The following GRIN3A variants were observed in gnomAD, a reference collection of about 807,000 sequenced individuals.
The protein encoded by GRIN3A is glutamate ionotropic receptor NMDA type subunit 3A.
A neutral mutation model predicts 92.4 loss-of-function variants in GRIN3A; 47 were observed. The observed-to-expected ratio is 0.51, with a 90% CI of 0.40 to 0.65. The LOEUF is 0.65. Among genes scored for constraint, GRIN3A ranks in the 30% least tolerant of loss-of-function variants. The pLI, the probability that GRIN3A is intolerant of heterozygous loss-of-function variation, is 0.00. For synonymous variants in GRIN3A, 527 were observed against 540.6 expected (o/e 0.97, Z 0.35); for missense variants, 1,324 against 1,393.1 (o/e 0.95, Z 0.79).
rs533614728 is a variant in GRIN3A at position 101,656,964 on chromosome 9, G to A, written c.2352+13096C>T. Among the ~76,000 whole-genome samples the A allele has an allele frequency of 7.8e-4, 119 of 151,712 alleles. 1 individual carries two copies. The highest frequency in any genetic ancestry group is 1.5e-3 in the Non-Finnish European group (99 of 67,878). On this transcript the variant is annotated intron_variant, in intron 3 of 8. Transcript: ENST00000361820. ...TCTTCTCCCTGAAATTCATCAAACC[G>A]CCCAGTGATATATATTCCCCTTGTT...
Position 101,623,407 on chromosome 9 carries a change from A to T in GRIN3A, c.2525T>A (p.Phe842Tyr). ...LKNDPEKLDA[F>Y]IMDKALLDYE... is the part of the protein sequence containing the mutation. ...ATCCAGAAGGGCTTTGTCCATGATG[A>T]AGGCGTCTAGTTTCTCTGGATCATT... The change falls in exon 5 of 9, where the codon TTC (phenylalanine) becomes TAC (tyrosine). Residue 842 changes from phenylalanine to tyrosine, a missense_variant. Coordinates refer to ENST00000361820, the MANE Select transcript of GRIN3A (RefSeq NM_133445.3). The T allele has an allele frequency of 1.9e-6, 3 of 1,612,594 alleles. No homozygotes were observed. The highest frequency in any genetic ancestry group is 2.5e-6 in the Non-Finnish European group (3 of 1,178,590).
rs1423438061 is a variant in GRIN3A, at chr9:101,569,722, A to G, written c.*3452T>C. ...ATAGTAAAGTAGTATTAATGCCTAGAAAGCAATTTCTGAAGAACTGGATGG... is the reference window on the plus strand; with the variant it reads ...ATAGTAAAGTAGTATTAATGCCTAGGAAGCAATTTCTGAAGAACTGGATGG... On this transcript the variant is annotated 3_prime_UTR_variant, in exon 9 of 9. Coordinates refer to ENST00000361820, the MANE Select transcript of GRIN3A (RefSeq NM_133445.3). 1 of 152,226 alleles carries G rather than the reference A, an allele frequency of 6.6e-6. No homozygotes were observed. The highest frequency in any genetic ancestry group is 1.5e-5 in the Non-Finnish European group (1 of 68,050). The allele number at this position is 152,226 out of a possible 1,614,324, so 9.4% of individuals were successfully genotyped here.
Position 101,737,791 on chromosome 9 carries a change from G to A in GRIN3A, c.189C>T (p.Arg63=), listed in dbSNP as rs898371663. The change falls in exon 1 of 9, where the codon CGC becomes CGT. Residue 63 remains arginine (R), a synonymous_variant. Transcript: ENST00000361820. ...TGTCGTCCGGAGCGCGGCTGGCCGC[G>A]CGGGGGGCGGTGGTCCAGGGCTGCA... ...VHLQPWTTAP[R]AASRAPDDSR... is the part of the protein sequence containing the mutation. 4.6e-6 allele frequency: 7 copies of A among 1,528,298 alleles called. No individual in the cohort carries two copies. In the African/African-American group the frequency reaches 8.3e-5, roughly 18 times the overall value. The allele number at this position is 1,528,298 out of a possible 1,614,324, so 94.7% of individuals were successfully genotyped here. A position where few individuals can be genotyped will look rare whatever the true frequency, so the allele number is the denominator to read the frequency against.
chr9:101,610,130 T>C (rs751231624), intron 6 of GRIN3A, among the ~76,000 whole-genome samples: 2 of 152,238 alleles, frequency 1.3e-5, no homozygotes, highest in Non-Finnish European at 2.9e-5. Context: ...CCTTCCTTGG[T>C]TGAATTAACT....
chr9:101,722,741 T>C (rs1287666111), intron 1 of GRIN3A, among the ~76,000 whole-genome samples: 2 of 152,164 alleles, frequency 1.3e-5, no homozygotes, highest in African/African-American at 2.4e-5. Flanking sequence ...TTTTGGACAA[T>C]TTCTCCCATA....
Position 101,623,365 on chromosome 9 carries a change from T to A in GRIN3A, c.2567A>T (p.Asp856Val), listed in dbSNP as rs1332775095. 6.2e-7 allele frequency: 1 copy of A among 1,613,832 alleles called. No homozygotes were observed. The highest frequency in any genetic ancestry group is 1.3e-5 in the African/African-American group (1 of 74,932). ...CACAGTGAGAAGTTTGCAGTCAGCA[T>A]CTATTGACACTTCATAATCCAGAAG... ...KALLDYEVSI[D>V]ADCKLLTVGK... Residue 856 changes from aspartate to valine, a missense_variant, in exon 5 of 9, where the codon GAT (aspartate) becomes GTT (valine). Coordinates refer to ENST00000361820, the MANE Select transcript of GRIN3A (RefSeq NM_133445.3).
At chr9:101,632,579 C>A (rs1203477811) in intron 3 of GRIN3A, among the ~76,000 whole-genome samples, 2 of 152,082 alleles carry the variant, frequency 1.3e-5, no homozygotes, top group Non-Finnish European at 2.9e-5. Context: ...CTCCTGCTGT[C>A]TTTTTTCTCC....
At chr9:101,647,866 A>G (rs10989580) in intron 3 of GRIN3A, among the ~76,000 whole-genome samples, 1 of 151,418 alleles carries the variant, frequency 6.6e-6, no homozygotes, top group East Asian at 2.0e-4. Context: ...ATTTGTTTGC[A>G]TCTTCTTTCT....
chr9:101,627,704 T>C (rs1057155894), intron 4 of GRIN3A, among the ~76,000 whole-genome samples: 2 of 152,212 alleles, frequency 1.3e-5, no homozygotes, highest in African/African-American at 4.8e-5. Flanking sequence ...TAATCTGCCA[T>C]GGCAGTGTGA....
chr9:101,669,946 G>A, intron 3 of GRIN3A, 114 bp downstream of exon 3: 1 of 804,698 alleles, frequency 1.2e-6, no homozygotes, highest in South Asian at 1.5e-5. Flanking sequence ...TCTATACTTG[G>A]CTGAGAGAAT....
intron 6 of GRIN3A, among the ~76,000 whole-genome samples, chr9:101,605,042 G>A (rs1436816243): frequency 1.3e-5 from 2 of 152,238 alleles, no homozygotes; most frequent in Non-Finnish European, 1.5e-5. Context: ...GGGGAGCCCA[G>A]GCTGGAGGCC....
intron 1 of GRIN3A, among the ~76,000 whole-genome samples, chr9:101,727,577 C>T (rs1458978191): frequency 1.3e-5 from 2 of 152,028 alleles, no homozygotes; most frequent in East Asian, 1.9e-4. Flanking sequence ...TCTCATTTTT[C>T]TCCCAACCCC....
intron 3 of GRIN3A, among the ~76,000 whole-genome samples, chr9:101,646,060 C>G (rs532968729): frequency 6.6e-6 from 1 of 151,662 alleles, no homozygotes; most frequent in Middle Eastern, 3.4e-3. Flanking sequence ...TTTTGTGGTA[C>G]AGAAACCTTT....
At chr9:101,657,640 G>C (rs1465058827) in intron 3 of GRIN3A, among the ~76,000 whole-genome samples, 1 of 151,898 alleles carries the variant, frequency 6.6e-6, no homozygotes, top group Non-Finnish European at 1.5e-5. Context: ...CTAACTGCAG[G>C]GGAGAAAGAG....
chr9:101,622,065 A>G (rs1264541984), intron 5 of GRIN3A, among the ~76,000 whole-genome samples: 1 of 152,176 alleles, frequency 6.6e-6, no homozygotes, highest in Non-Finnish European at 1.5e-5. Context: ...TCTGAGTTCC[A>G]TCCCTGCTTC....
intron 3 of GRIN3A, among the ~76,000 whole-genome samples, chr9:101,643,654 G>GTCTC (rs74810886): frequency 2.9e-4 from 42 of 147,140 alleles, no homozygotes; most frequent in Middle Eastern, 3.6e-3. Flanking sequence ...CAACCTAAAT[G>GTCTC]TCTCTCTCTC....
intron 3 of GRIN3A, among the ~76,000 whole-genome samples, chr9:101,653,801 T>C (rs1829045428): frequency 6.6e-6 from 1 of 151,764 alleles, no homozygotes; most frequent in Non-Finnish European, 1.5e-5. Flanking sequence ...TATGTATGAT[T>C]GATAATTTAT....
chr9:101,605,378 A>T (rs1828265980), intron 6 of GRIN3A, among the ~76,000 whole-genome samples: 1 of 152,190 alleles, frequency 6.6e-6, no homozygotes, highest in African/African-American at 2.4e-5. Context: ...CAGTGTAGGG[A>T]AGTCAGGGAG....
intron 1 of GRIN3A, among the ~76,000 whole-genome samples, chr9:101,691,628 T>C (rs1829622208): frequency 6.6e-6 from 1 of 152,232 alleles, no homozygotes; most frequent in South Asian, 2.1e-4. Context: ...ACTGTCTTCC[T>C]AGTCTCAGAT....
Sources: gnomAD v4.1 joint callset for allele counts (sites outside exome capture counted in the v4.1 genomes callset) on GRCh38, gnomAD v4.1.1 for gene constraint, MANE v1.5 for transcripts, NCBI Gene and HGNC (gene_info 2026-07-23, HGNC 2026-07-21) for gene names.